Variants in NRG3 observed in about 807,000 individuals in gnomAD.
NRG3 encodes neuregulin 3, also known as pro-neuregulin-3, membrane-bound isoform.
A neutral mutation model predicts 66.9 loss-of-function variants in NRG3; 31 were observed. The ratio of observed to expected loss-of-function variants is 0.46; its 90% CI spans 0.35 to 0.63. The LOEUF is 0.63. NRG3 is among the 20% of genes least tolerant of loss of function. The probability of loss-of-function intolerance (pLI) is 0.00; values close to 1 mark genes in which losing one functional copy is unlikely to be tolerated. For missense variants in NRG3, 910 were observed against 878.9 expected (o/e 1.04, Z -0.45); for synonymous variants, 393 against 359.4 (o/e 1.09, Z -1.06).
chr10:82,281,818 T>C (rs1418127896), intron 1 of NRG3, among the ~76,000 whole-genome samples: 7 of 152,074 alleles, frequency 4.6e-5, no homozygotes, highest in African/African-American at 1.4e-4. Flanking sequence ...CCATGTCAGG[T>C]TTTGTTTGTT....
chr10:82,508,574 A>G (rs1844888548), intron 2 of NRG3, among the ~76,000 whole-genome samples: 1 of 152,192 alleles, frequency 6.6e-6, no homozygotes, highest in African/African-American at 2.4e-5. Context: ...GGAAAAGACT[A>G]CTTTTTAGAC....
intron 1 of NRG3, among the ~76,000 whole-genome samples, chr10:81,904,617 C>G (rs1844408045): frequency 6.6e-6 from 1 of 152,144 alleles, no homozygotes; most frequent in Non-Finnish European, 1.5e-5. Flanking sequence ...CATGTTCCAG[C>G]AGACTTTTAC....
chr10:82,730,390 T>A (rs957930560), intron 2 of NRG3, among the ~76,000 whole-genome samples: 2 of 152,130 alleles, frequency 1.3e-5, no homozygotes, highest in African/African-American at 4.8e-5. Flanking sequence ...GGCCAATCCC[T>A]ACATTTTCTT....
intron 2 of NRG3, among the ~76,000 whole-genome samples, chr10:82,647,898 A>G (rs2093987832): frequency 1.4e-5 from 2 of 146,838 alleles, no homozygotes; most frequent in Non-Finnish European, 3.0e-5. Flanking sequence ...TAGATTCTGG[A>G]TATTAGCCCT....
Position 81,875,879 on chromosome 10 carries a change from G to A in NRG3, c.539G>A (p.Arg180His), listed in dbSNP as rs1240938401. Residue 180 changes from arginine (R) to histidine (H), a missense_variant, in exon 1 of 9, where the codon CGC becomes CAC. Physicochemically the swap from Arg to His is conservative, Grantham distance 29. Coordinates refer to ENST00000372141, the MANE Select transcript of NRG3 (RefSeq NM_001010848.4). The surrounding 1 kb of genome is among the most constrained non-coding windows in gnomAD (Gnocchi z 5.3). ...CGGGTGCCCATCCGGGCCAGCCCGC[G>A]CTCCACCACAGCACGGAACACTGCG... Reference protein sequence around the residue: ...GHRVPIRASPRSTTARNTAAP... With the variant: ...GHRVPIRASPHSTTARNTAAP... 1.2e-6 allele frequency: 2 copies of A among 1,611,304 alleles called. No individual in the cohort carries two copies. Among genetic ancestry groups the A allele is most frequent in the Non-Finnish European group, 1.7e-6 (2 of 1,179,794 alleles).
At chr10:82,621,565 CAGAG>C (rs764624587) in intron 2 of NRG3, among the ~76,000 whole-genome samples, 24 of 152,242 alleles carry the variant, frequency 1.6e-4, no homozygotes, top group Admixed American at 1.5e-3. Context: ...GATCAAAAGA[CAGAG>C]AGCCCACTAA....
intron 2 of NRG3, among the ~76,000 whole-genome samples, chr10:82,458,777 G>A (rs780927274): frequency 2.6e-5 from 4 of 152,150 alleles, no homozygotes; most frequent in Admixed American, 6.5e-5. Flanking sequence ...ATGTATCATC[G>A]TTGGGTTAAA....
intron 1 of NRG3, among the ~76,000 whole-genome samples, chr10:82,253,532 C>T (rs534142814): frequency 2.6e-5 from 4 of 152,284 alleles, no homozygotes; most frequent in East Asian, 1.9e-4. Flanking sequence ...TTATAAATAG[C>T]TCTTCTCCAA....
intron 1 of NRG3, among the ~76,000 whole-genome samples, chr10:82,025,019 A>G (rs2062235820): frequency 6.6e-6 from 1 of 152,114 alleles, no homozygotes; most frequent in Non-Finnish European, 1.5e-5. Context: ...GTTGTGATTT[A>G]TAAGGATCTG....
At chr10:82,524,201 G>C in intron 2 of NRG3, among the ~76,000 whole-genome samples, 1 of 152,032 alleles carries the variant, frequency 6.6e-6, no homozygotes, top group African/African-American at 2.4e-5. Context: ...AGTAACCCAC[G>C]AGCCATCTAA....
chr10:81,951,187 T>G (rs377292082), intron 1 of NRG3, among the ~76,000 whole-genome samples: 1 of 152,160 alleles, frequency 6.6e-6, no homozygotes, highest in African/African-American at 2.4e-5. Flanking sequence ...ACCGTTCAAA[T>G]TGGCATTGAT....
chr10:82,229,514 T>C (rs886157777), intron 1 of NRG3, among the ~76,000 whole-genome samples: 2 of 152,188 alleles, frequency 1.3e-5, no homozygotes, highest in African/African-American at 4.8e-5. Flanking sequence ...TACCCAAGAC[T>C]GGGTAATTTA....
intron 1 of NRG3, among the ~76,000 whole-genome samples, chr10:82,044,683 T>G (rs989921089): frequency 1.3e-5 from 2 of 152,086 alleles, no homozygotes; most frequent in South Asian, 2.1e-4. Flanking sequence ...CTATTAACTC[T>G]TCATTTAGCA....
chr10:82,408,085 C>CAGAAAGAAAGAAAAGAAAGAAAGAA (rs1554911189), intron 2 of NRG3, among the ~76,000 whole-genome samples: 2 of 74,860 alleles, frequency 2.7e-5, no homozygotes, highest in African/African-American at 6.1e-5. Flanking sequence ...GAGAGAGAGA[C>CAGAAAGAAAGAAAAGAAAGAAAGAA]AGAAAGAAAG....
At chr10:82,032,240 A>G (rs528102516) in intron 1 of NRG3, among the ~76,000 whole-genome samples, 11 of 152,004 alleles carry the variant, frequency 7.2e-5, no homozygotes, top group Non-Finnish European at 1.5e-4. Context: ...TAAGACAATG[A>G]GAAGTTATTA....
intron 1 of NRG3, among the ~76,000 whole-genome samples, chr10:81,886,521 T>C (rs1490012004): frequency 6.6e-6 from 1 of 152,156 alleles, no homozygotes; most frequent in African/African-American, 2.4e-5. Context: ...GCACTTGTAT[T>C]GTTTCACATG....
At chr10:82,024,350 C>T (rs2062198423) in intron 1 of NRG3, among the ~76,000 whole-genome samples, 1 of 151,878 alleles carries the variant, frequency 6.6e-6, no homozygotes, top group South Asian at 2.1e-4. Flanking sequence ...TTTTTCTGCT[C>T]TGATCTTTAT....
intron 2 of NRG3, among the ~76,000 whole-genome samples, chr10:82,477,582 A>G (rs778199935): frequency 6.6e-6 from 1 of 152,174 alleles, no homozygotes; most frequent in Non-Finnish European, 1.5e-5. Context: ...AGTCATTTGA[A>G]TCACATTTTA....
chr10:82,468,334 T>C (rs1840888336), intron 2 of NRG3, among the ~76,000 whole-genome samples: 1 of 98,812 alleles, frequency 1.0e-5, no homozygotes, highest in African/African-American at 5.2e-5. Context: ...TGATATAAAA[T>C]AATTCTCTTG....
Sources: allele counts gnomAD v4.1 joint callset (sites outside exome capture counted in the v4.1 genomes callset), GRCh38; gene constraint gnomAD v4.1.1; non-coding constraint Gnocchi (gnomAD v3.1); transcripts MANE v1.5; gene names NCBI Gene and HGNC (gene_info 2026-07-23, HGNC 2026-07-21).